FRMD5: variants seen among roughly 807,000 people sequenced by gnomAD.
FRMD5 encodes the protein FERM domain containing 5.
FRMD5 carries 20 observed loss-of-function variants against 69.0 expected under a neutral mutation model. That is an observed-to-expected ratio of 0.29 (90% confidence interval 0.20 to 0.42). The LOEUF (loss-of-function observed/expected upper bound fraction) is 0.42, where lower values mean the gene tolerates loss of function less well. FRMD5 is among the 10% of genes least tolerant of loss of function. The probability of loss-of-function intolerance (pLI) is 1.00; values close to 1 mark genes in which losing one functional copy is unlikely to be tolerated. For missense variants in FRMD5, 595 were observed against 708.6 expected (o/e 0.84, Z 1.82); for synonymous variants, 271 against 260.1 (o/e 1.04, Z -0.40).
At chr15:44,174,202 T>C (rs1307092016) in intron 1 of FRMD5, among the ~76,000 whole-genome samples, 2 of 152,152 alleles carry the variant, frequency 1.3e-5, no homozygotes, top group East Asian at 1.9e-4. Context: ...CAACACTGTA[T>C]AGAACTGCTT....
intron 1 of FRMD5, among the ~76,000 whole-genome samples, chr15:44,024,136 C>G (rs1007456971): frequency 6.6e-6 from 1 of 152,010 alleles, no homozygotes; most frequent in Non-Finnish European, 1.5e-5. Context: ...TTTTGTTTTA[C>G]ATTATTAATA....
rs114311008 is a variant in FRMD5 at position 43,998,903 on chromosome 15, A to G, written c.103-74594T>C. Among the ~76,000 whole-genome samples, 489 of 152,348 alleles carry G rather than the reference A, an allele frequency of 3.2e-3. 1 individual carries two copies. The highest frequency in any genetic ancestry group is 0.011 in the African/African-American group (469 of 41,588). ...ACCATGCAAAATGACGTCACTTTCT[A>G]GAACACAGACAATCTCTGGGAACAA... On this transcript the variant is annotated intron_variant, in intron 1 of 13. Coordinates refer to ENST00000417257, the MANE Select transcript of FRMD5 (RefSeq NM_032892.5).
chr15:43,889,054 C>T lies in FRMD5; in HGVS notation c.729-182G>A, dbSNP rs1264937142. ...CTTAGAGAATGTTGTTGAAACAGTT[C>T]AATCCACAGTTTTCTGGTCAATCAC... On this transcript the variant is annotated intron_variant, in intron 8 of 13. Transcript: ENST00000417257. Among the ~76,000 whole-genome samples the T allele has an allele frequency of 2.0e-5, 3 of 152,178 alleles. No individual in the cohort carries two copies. The East Asian group carries it at 5.8e-4, about 29-fold the overall frequency.
chr15:44,173,317 A>G (rs2077836366), intron 1 of FRMD5, among the ~76,000 whole-genome samples: 1 of 152,064 alleles, frequency 6.6e-6, no homozygotes, highest in Non-Finnish European at 1.5e-5. Flanking sequence ...GAAAATAAAA[A>G]CTATTTCATT....
chr15:43,961,515 A>G (rs1300483781), intron 1 of FRMD5, among the ~76,000 whole-genome samples: 1 of 152,208 alleles, frequency 6.6e-6, no homozygotes, highest in Non-Finnish European at 1.5e-5. Flanking sequence ...AACAATTCCA[A>G]TCAATAGAAA....
chr15:43,873,353 A>G lies in FRMD5; in HGVS notation c.*532T>C. 6.8e-7 allele frequency: 1 copy of G among 1,474,334 alleles called. No individual in the cohort carries two copies. The highest frequency in any genetic ancestry group is 1.4e-5 in the South Asian group (1 of 71,676). The allele number at this position is 1,474,334 out of a possible 1,614,324, so 91.3% of individuals were successfully genotyped here. A position where few individuals can be genotyped will look rare whatever the true frequency, so the allele number is the denominator to read the frequency against. On this transcript the variant is annotated 3_prime_UTR_variant, in exon 14 of 14. Coordinates refer to ENST00000417257, the MANE Select transcript of FRMD5 (RefSeq NM_032892.5). ...GTTCTGGCTGGCAAAAAAAACAAAC[A>G]AAAAACTAAACAGTCCCCATTGTCC...
intron 1 of FRMD5, chr15:43,989,610 C>G: frequency 1.2e-6 from 1 of 860,600 alleles, no homozygotes; most frequent in Non-Finnish European, 2.0e-6. Context: ...TAGGTGAGGA[C>G]CTTCATGAGG....
upstream of FRMD5, among the ~76,000 whole-genome samples, chr15:44,197,666 G>A (rs867754057): frequency 6.4e-5 from 8 of 125,576 alleles, no homozygotes; most frequent in East Asian, 7.2e-4. Context: ...GGGAGACAGC[G>A]AGACTCCATC....
intron 1 of FRMD5, among the ~76,000 whole-genome samples, chr15:43,951,961 ATGTGTGTGTGTGTGTGTGT>A (rs1327153631): frequency 9.0e-6 from 1 of 111,686 alleles, no homozygotes; most frequent in Non-Finnish European, 1.7e-5. Flanking sequence ...CTGTATGTGC[ATGTGTGTGTGTGTGTGTGT>A]TGTGTGTGTG....
At chr15:44,013,969 G>C (rs991071868) in intron 1 of FRMD5, among the ~76,000 whole-genome samples, 1 of 149,386 alleles carries the variant, frequency 6.7e-6, no homozygotes, top group African/African-American at 2.5e-5. Flanking sequence ...CCATTCTCCT[G>C]CCTCAGCCTC....
intron 1 of FRMD5, among the ~76,000 whole-genome samples, chr15:44,174,685 T>C (rs150211602): frequency 3.4e-4 from 52 of 152,344 alleles, no homozygotes; most frequent in African/African-American, 1.2e-3. Flanking sequence ...GAAGAGTTTT[T>C]ATCATAATTC....
At chr15:43,993,687 C>T (rs1049974778) in intron 1 of FRMD5, among the ~76,000 whole-genome samples, 10 of 152,056 alleles carry the variant, frequency 6.6e-5, no homozygotes, top group Admixed American at 1.3e-4. Context: ...GTATCAAAGT[C>T]CCCTACTATT....
chr15:43,892,777 A>G (rs1377769403), intron 7 of FRMD5, among the ~76,000 whole-genome samples: 1 of 152,232 alleles, frequency 6.6e-6, no homozygotes, highest in Non-Finnish European at 1.5e-5. Context: ...AACCCTGTGA[A>G]TATACTAAAA....
At chr15:44,193,595 A>C (rs1015049349) in intron 1 of FRMD5, among the ~76,000 whole-genome samples, 1 of 152,206 alleles carries the variant, frequency 6.6e-6, no homozygotes, top group Non-Finnish European at 1.5e-5. Flanking sequence ...CTTAGTCTGT[A>C]TTTAAGTAGC....
Position 43,874,386 on chromosome 15 carries a change from G to T in FRMD5, c.1212C>A (p.His404Gln). 1 of 1,614,190 alleles carries T rather than the reference G, an allele frequency of 6.2e-7. No homozygotes were observed. The highest frequency in any genetic ancestry group is 8.5e-7 in the Non-Finnish European group (1 of 1,180,036). The change falls in exon 14 of 14, where the codon CAC (histidine) becomes CAA (glutamine). Residue 404 changes from histidine (H) to glutamine (Q), a missense_variant. Around this residue, in one of 5 missense-constraint regions of FRMD5, gnomAD observed 245 missense variants for 227.1 expected, o/e 1.08. Transcript: ENST00000417257. ...TGCTATCTGTCCGGCTGCTTCTCAC[G>T]TGAGGCAGGAAGGTGTCCCCATGGG... is the stretch of plus-strand genomic sequence containing the variant. ...STSHGDTFLPHVRSSRTDSNE... is the reference protein window; with the variant it reads ...STSHGDTFLPQVRSSRTDSNE...
chr15:44,165,932 G>T (rs957143183), intron 1 of FRMD5, among the ~76,000 whole-genome samples: 46 of 152,180 alleles, frequency 3.0e-4, no homozygotes, highest in African/African-American at 1.0e-3. Context: ...ATATGTAAAA[G>T]AATTTTTTTC....
intron 1 of FRMD5, among the ~76,000 whole-genome samples, chr15:43,998,636 C>A (rs772164778): frequency 2.0e-5 from 3 of 152,194 alleles, no homozygotes; most frequent in Non-Finnish European, 4.4e-5. Flanking sequence ...AACTGGCAGA[C>A]ACTAAGGCTT....
chr15:43,945,282 G>A (rs1000510021), intron 1 of FRMD5, among the ~76,000 whole-genome samples: 5 of 152,130 alleles, frequency 3.3e-5, no homozygotes, highest in African/African-American at 1.2e-4. Flanking sequence ...CTTATCTGTG[G>A]GAGAGTTGGT....
At chr15:43,957,146 T>A (rs1181802869) in intron 1 of FRMD5, among the ~76,000 whole-genome samples, 2 of 152,182 alleles carry the variant, frequency 1.3e-5, no homozygotes, top group Non-Finnish European at 2.9e-5. Context: ...ATGTGAGAAC[T>A]GAGTGAGGTC....
Sources: allele counts gnomAD v4.1 joint callset (sites outside exome capture counted in the v4.1 genomes callset), GRCh38; gene constraint gnomAD v4.1.1; regional missense constraint gnomAD v4.1.1; transcripts MANE v1.5; gene names NCBI Gene and HGNC (gene_info 2026-07-23, HGNC 2026-07-21).